Variants in ATP8A1 observed in about 807,000 individuals in gnomAD.
The protein encoded by ATP8A1 is ATPase phospholipid transporting 8A1, also known as phospholipid-transporting ATPase IA.
A neutral mutation model predicts 177.7 loss-of-function variants in ATP8A1; 90 were observed. The ratio of observed to expected loss-of-function variants is 0.51; its 90% CI spans 0.43 to 0.60. ATP8A1 has a LOEUF of 0.60. Ranked by LOEUF, ATP8A1 falls within the 20% of genes least tolerant of loss-of-function variation. The pLI is 0.00. For synonymous variants in ATP8A1, 493 were observed against 485.9 expected (o/e 1.01, Z -0.19); for missense variants, 1,072 against 1,392.8 (o/e 0.77, Z 3.67).
chr4:42,471,480 C>T lies in ATP8A1; in HGVS notation c.2325-6404G>A, dbSNP rs184603230. On this transcript the variant is annotated intron_variant, in intron 25 of 36. Coordinates refer to ENST00000381668, the MANE Select transcript of ATP8A1 (RefSeq NM_006095.2). ...TAGAATTTATGTGGTTATAGGTAAA[C>T]GTACTGCCTTCTGCTTCAATGATTC... Among the ~76,000 whole-genome samples the T allele has an allele frequency of 1.8e-4, 28 of 152,320 alleles. No homozygotes were observed. The East Asian group carries it at 4.8e-3, about 26-fold the overall frequency.
At chr4:42,555,291 A>T (rs900352423) in intron 16 of ATP8A1, among the ~76,000 whole-genome samples, 5 of 150,670 alleles carry the variant, frequency 3.3e-5, no homozygotes, top group Non-Finnish European at 5.9e-5. Flanking sequence ...CAGAGTTTCT[A>T]TTGTATATTT....
intron 24 of ATP8A1, among the ~76,000 whole-genome samples, chr4:42,486,206 G>A (rs1369512920): frequency 2.0e-5 from 3 of 152,094 alleles, no homozygotes; most frequent in Admixed American, 6.6e-5. Flanking sequence ...TATTTGTCCC[G>A]ATTGGCTAGC....
At chr4:42,639,833 C>T (rs991709189) in intron 1 of ATP8A1, among the ~76,000 whole-genome samples, 2 of 152,126 alleles carry the variant, frequency 1.3e-5, no homozygotes, top group Admixed American at 1.3e-4. Flanking sequence ...TGCAGATGCT[C>T]AATTACCTTA....
At chr4:42,556,892 T>C (rs889120021) in intron 15 of ATP8A1, among the ~76,000 whole-genome samples, 3 of 152,142 alleles carry the variant, frequency 2.0e-5, no homozygotes, top group African/African-American at 7.2e-5. Flanking sequence ...TGTCCAATAC[T>C]AAACAATTAT....
chr4:42,578,803 C>G (rs573975660), intron 11 of ATP8A1, among the ~76,000 whole-genome samples: 1 of 152,008 alleles, frequency 6.6e-6, no homozygotes, highest in Non-Finnish European at 1.5e-5. Flanking sequence ...CAAAAACAAT[C>G]CAAACTATAT....
At chr4:42,640,627 GA>G (rs1014489497) in intron 1 of ATP8A1, among the ~76,000 whole-genome samples, 1 of 152,204 alleles carries the variant, frequency 6.6e-6, no homozygotes, top group Non-Finnish European at 1.5e-5. Context: ...CCATGATTAT[GA>G]AACAATGTGG....
intron 33 of ATP8A1, among the ~76,000 whole-genome samples, chr4:42,440,573 C>G (rs555489254): frequency 1.8e-4 from 27 of 152,078 alleles, no homozygotes; most frequent in African/African-American, 5.5e-4. Flanking sequence ...ATCCACAGTG[C>G]CTAGAATAGC....
chr4:42,545,962 A>C (rs1048771030), intron 19 of ATP8A1, among the ~76,000 whole-genome samples: 2 of 152,078 alleles, frequency 1.3e-5, no homozygotes. Context: ...TAACAGAGAG[A>C]CACTCTGTCT....
rs557704286 is a variant in ATP8A1 at position 42,462,195 on chromosome 4, C to T, written c.2619+2495G>A. Among the ~76,000 whole-genome samples, 10 of 152,332 alleles carry T rather than the reference C, an allele frequency of 6.6e-5. No individual in the cohort carries two copies. In the East Asian group the frequency reaches 1.5e-3, roughly 24 times the overall value. ...GAAATGGAAGCAGGCTGCAGAAATT[C>T]GCCTAAGTAATGAGAAGCCAAATGT... On this transcript the variant is annotated intron_variant, in intron 27 of 36. Coordinates refer to ENST00000381668, the MANE Select transcript of ATP8A1 (RefSeq NM_006095.2).
At chr4:42,467,242 A>T (rs192931124) in intron 25 of ATP8A1, among the ~76,000 whole-genome samples, 1 of 152,336 alleles carries the variant, frequency 6.6e-6, no homozygotes, top group African/African-American at 2.4e-5. Flanking sequence ...GAGGATTTTC[A>T]TTCAATTCTG....
intron 1 of ATP8A1, 58 bp from the exon 2 acceptor site, chr4:42,627,167 G>C (rs2109493574): frequency 7.7e-7 from 1 of 1,294,768 alleles, no homozygotes; most frequent in South Asian, 1.2e-5. Context: ...ACCAAAAACA[G>C]ATTTCATAAC....
chr4:42,504,702 T>C (rs748187489), intron 23 of ATP8A1, among the ~76,000 whole-genome samples: 2 of 152,224 alleles, frequency 1.3e-5, no homozygotes, highest in Non-Finnish European at 2.9e-5. Flanking sequence ...TCTGAGTCCA[T>C]TTTCAGCCTA....
chr4:42,618,618 T>A (rs1343885490), intron 4 of ATP8A1, among the ~76,000 whole-genome samples: 1 of 152,174 alleles, frequency 6.6e-6, no homozygotes, highest in African/African-American at 2.4e-5. Flanking sequence ...TCAATAAATA[T>A]TTACTAAACA....
chr4:42,499,180 G>A (rs1723569835), intron 24 of ATP8A1, among the ~76,000 whole-genome samples: 1 of 152,198 alleles, frequency 6.6e-6, no homozygotes, highest in Admixed American at 6.5e-5. Context: ...AGGATGATCA[G>A]AAGGAGAGGT....
intron 15 of ATP8A1, among the ~76,000 whole-genome samples, chr4:42,560,684 T>A (rs751885009): frequency 6.6e-6 from 1 of 151,838 alleles, no homozygotes; most frequent in Admixed American, 6.6e-5. Flanking sequence ...TTCTTTAACA[T>A]TCCAAATGTC....
At chr4:42,530,486 A>G (rs543559265) in intron 20 of ATP8A1, among the ~76,000 whole-genome samples, 2 of 152,342 alleles carry the variant, frequency 1.3e-5, no homozygotes, top group South Asian at 4.1e-4. Context: ...GCCTCTGACC[A>G]AGGCACTTAC....
chr4:42,591,284 TA>T (rs1471378245), intron 6 of ATP8A1, among the ~76,000 whole-genome samples: 1 of 151,488 alleles, frequency 6.6e-6, no homozygotes, highest in African/African-American at 2.4e-5. Context: ...AAGAAAATAA[TA>T]ATGAAAATTA....
At chr4:42,523,054 T>TTATTAC (rs1199381977) in intron 21 of ATP8A1, among the ~76,000 whole-genome samples, 1 of 152,132 alleles carries the variant, frequency 6.6e-6, no homozygotes, top group African/African-American at 2.4e-5. Context: ...ATGACTGCAT[T>TTATTAC]TATTACTATT....
chr4:42,568,373 T>C (rs1731563551), intron 15 of ATP8A1, among the ~76,000 whole-genome samples: 1 of 152,184 alleles, frequency 6.6e-6, no homozygotes, highest in Non-Finnish European at 1.5e-5. Context: ...AAAATAAAAA[T>C]GGAATGACCT....
Sources: allele counts gnomAD v4.1 joint callset (sites outside exome capture counted in the v4.1 genomes callset), GRCh38; gene constraint gnomAD v4.1.1; transcripts MANE v1.5; gene names NCBI Gene and HGNC (gene_info 2026-07-23, HGNC 2026-07-21).